The following ACAP2 variants were observed in gnomAD, a reference collection of about 807,000 sequenced individuals.
ACAP2 encodes the protein arf-GAP with coiled-coil, ANK repeat and PH domain-containing protein 2.
ACAP2 carries 39 observed loss-of-function variants against 115.8 expected under a neutral mutation model. That is an observed-to-expected ratio of 0.34 (90% CI 0.26 to 0.44). ACAP2 has a LOEUF of 0.44. Among genes scored for constraint, ACAP2 ranks in the 20% least tolerant of loss-of-function variants. The probability of loss-of-function intolerance (pLI) is 1.00; values close to 1 mark genes in which losing one functional copy is unlikely to be tolerated. For synonymous variants in ACAP2, 289 were observed against 315.8 expected, an observed-to-expected ratio of 0.92 and a Z score of 0.90; for missense variants, 662 against 927.6, an observed-to-expected ratio of 0.71 and a Z score of 3.72.
At chr3:195,414,096 A>C (rs1156297819) in intron 1 of ACAP2, among the ~76,000 whole-genome samples, 3 of 152,200 alleles carry the variant, frequency 2.0e-5, no homozygotes, top group Non-Finnish European at 4.4e-5. Context: ...AGAATTGCAG[A>C]TTAAACAAGG....
At chr3:195,382,882 A>G (rs1371131514) in intron 2 of ACAP2, among the ~76,000 whole-genome samples, 3 of 151,516 alleles carry the variant, frequency 2.0e-5, no homozygotes, top group African/African-American at 4.8e-5. Flanking sequence ...ATGCATGGAA[A>G]AAAAAAAAAA....
At chr3:195,285,697 G>T in intron 22 of ACAP2, 99 bp downstream of exon 22, 1 of 1,000,062 alleles carries the variant, frequency 1.0e-6, no homozygotes, top group Non-Finnish European at 1.5e-6. Context: ...TATCACATTA[G>T]TTTGCTAAAG....
intron 22 of ACAP2, among the ~76,000 whole-genome samples, chr3:195,284,485 T>C (rs558805038): frequency 1.5e-3 from 233 of 152,188 alleles, no homozygotes; most frequent in Non-Finnish European, 2.8e-3. Context: ...GTATGATCCA[T>C]AGGATTCAAG....
chr3:195,333,658 T>C (rs1223070717), intron 7 of ACAP2, among the ~76,000 whole-genome samples: 1 of 152,252 alleles, frequency 6.6e-6, no homozygotes, highest in African/African-American at 2.4e-5. Context: ...AGACTATATC[T>C]AGGTGATCAA....
intron 4 of ACAP2, chr3:195,349,632 A>T (rs1304909323): frequency 6.2e-6 from 1 of 160,476 alleles, no homozygotes; most frequent in Non-Finnish European, 1.4e-5. Context: ...ACAATCTTTC[A>T]TGCTCTTCTT....
chr3:195,294,934 T>C, intron 17 of ACAP2, 123 bp from the exon 18 acceptor site: 1 of 561,220 alleles, frequency 1.8e-6, no homozygotes, highest in Non-Finnish European at 3.2e-6. Flanking sequence ...ACAAGGAGAA[T>C]GCATTTAATA....
In ACAP2 at chr3:195,315,497, C is replaced by T. The variant is rs527269714; in HGVS notation, c.857+5204G>A. 4.1e-4 allele frequency among the ~76,000 whole-genome samples: 63 copies of T among 152,258 alleles called. No individual in the cohort carries two copies. The Middle Eastern group carries it at 0.017, about 41-fold the overall frequency. The stretch of plus-strand genomic sequence containing the variant: ...TTCATAGTTGAAGTTGTATCTTGTT[C>T]TATCAAAATAAAGATGGTTTGGAAT... On this transcript the variant is annotated intron_variant, in intron 10 of 22. Transcript: ENST00000326793.
At chr3:195,394,248 C>T (rs1711561013) in intron 1 of ACAP2, among the ~76,000 whole-genome samples, 1 of 152,130 alleles carries the variant, frequency 6.6e-6, no homozygotes, top group South Asian at 2.1e-4. Flanking sequence ...TTCCCCATAG[C>T]AGTACAGACA....
At chr3:195,286,427 G>A (rs1400753656) in intron 21 of ACAP2, among the ~76,000 whole-genome samples, 1 of 152,168 alleles carries the variant, frequency 6.6e-6, no homozygotes, top group Non-Finnish European at 1.5e-5. Flanking sequence ...GGCAGCAGAT[G>A]ACATGTAGCA....
chr3:195,369,083 TCAAAAA>T (rs983614782), intron 4 of ACAP2, among the ~76,000 whole-genome samples: 2 of 133,700 alleles, frequency 1.5e-5, no homozygotes, highest in African/African-American at 5.7e-5. Flanking sequence ...GAACTATGTC[TCAAAAA>T]CAAACAAAAA....
intron 1 of ACAP2, among the ~76,000 whole-genome samples, chr3:195,418,131 C>T (rs1713892629): frequency 6.6e-6 from 1 of 152,136 alleles, no homozygotes; most frequent in South Asian, 2.1e-4. Flanking sequence ...CTGCCAGAAG[C>T]CCTCTTCTCT....
At chr3:195,292,144 T>C in intron 19 of ACAP2, 121 bp downstream of exon 19, 3 of 1,226,102 alleles carry the variant, frequency 2.4e-6, no homozygotes, top group South Asian at 1.9e-5. Context: ...AGCACAGAGG[T>C]TCCTTCTATT....
chr3:195,414,333 T>C (rs1713538421), intron 1 of ACAP2, among the ~76,000 whole-genome samples: 1 of 152,200 alleles, frequency 6.6e-6, no homozygotes, highest in African/African-American at 2.4e-5. Context: ...GGTCTCGAAC[T>C]CCTGAGTTAA....
At chr3:195,345,959 T>C (rs1009522888) in intron 4 of ACAP2, among the ~76,000 whole-genome samples, 2 of 152,184 alleles carry the variant, frequency 1.3e-5, no homozygotes, top group Non-Finnish European at 2.9e-5. Context: ...GGATTCCACC[T>C]TTAATAATTT....
intron 2 of ACAP2, among the ~76,000 whole-genome samples, chr3:195,391,283 G>A (rs1222744827): frequency 6.9e-6 from 1 of 144,926 alleles, no homozygotes; most frequent in East Asian, 2.0e-4. Flanking sequence ...AGGCTGGAGT[G>A]CAATGGCACG....
intron 4 of ACAP2, among the ~76,000 whole-genome samples, chr3:195,363,688 A>T (rs780374341): frequency 2.6e-5 from 4 of 152,082 alleles, no homozygotes; most frequent in Admixed American, 6.6e-5. Context: ...AAAAGAACAA[A>T]ACTGAAGAAA....
Position 195,414,755 on chromosome 3 carries a change from A to G in ACAP2, c.54-22608T>C, listed in dbSNP as rs561107048. ...TTCAGATTTTGAATTCATGGATTAG[A>G]GATGCTTAACCAGTATAATCCAAAT... On this transcript the variant is annotated intron_variant, in intron 1 of 22. Transcript: ENST00000326793. Among the ~76,000 whole-genome samples, 4 of 152,340 alleles carry G rather than the reference A, an allele frequency of 2.6e-5. No homozygotes were observed. In the East Asian group the frequency reaches 7.7e-4, roughly 29 times the overall value.
At chr3:195,365,092 T>G (rs570291621) in intron 4 of ACAP2, among the ~76,000 whole-genome samples, 2 of 152,068 alleles carry the variant, frequency 1.3e-5, no homozygotes, top group Non-Finnish European at 2.9e-5. Flanking sequence ...ATTGAACTCA[T>G]AGAGAGTAGA....
chr3:195,402,873 G>T (rs528743748), intron 1 of ACAP2, among the ~76,000 whole-genome samples: 1 of 152,010 alleles, frequency 6.6e-6, no homozygotes, highest in Admixed American at 6.6e-5. Flanking sequence ...AACAACAAAC[G>T]GCAGCAAATG....
Sources: allele counts gnomAD v4.1 joint callset (sites outside exome capture counted in the v4.1 genomes callset), GRCh38; gene constraint gnomAD v4.1.1; transcripts MANE v1.5; gene names NCBI Gene and HGNC (gene_info 2026-07-23, HGNC 2026-07-21).